The following MCPH1 variants were observed in gnomAD, a reference collection of about 807,000 sequenced individuals.
The protein encoded by MCPH1 is microcephalin 1.
In MCPH1, 104 loss-of-function variants were observed where a neutral mutation model predicts 84.5. The observed-to-expected ratio is 1.23, with a 90% CI of 1.05 to 1.45. The LOEUF (loss-of-function observed/expected upper bound fraction) is 1.45. MCPH1 is among the 40% of genes most tolerant of loss of function. MCPH1 has a pLI of 0.00. For missense variants in MCPH1, 1,498 were observed against 1,005.7 expected (o/e 1.49, Z -6.62); for synonymous variants, 514 against 366.8 (o/e 1.40, Z -4.58).
intron 2 of MCPH1, 24 bp downstream of exon 2, chr8:6,409,394 A>T: frequency 2.0e-6 from 3 of 1,536,696 alleles, no homozygotes; most frequent in Non-Finnish European, 2.7e-6. Context: ...TTTGCTGTTG[A>T]TTCATATGAC....
At chr8:6,429,580 C>T (rs1202975817) in intron 3 of MCPH1, among the ~76,000 whole-genome samples, 1 of 151,700 alleles carries the variant, frequency 6.6e-6, no homozygotes, top group East Asian at 1.9e-4. Flanking sequence ...CTTATCTACT[C>T]TTTATTTTTG....
intron 12 of MCPH1, among the ~76,000 whole-genome samples, chr8:6,603,619 A>G (rs1458448723): frequency 6.6e-6 from 1 of 152,210 alleles, no homozygotes; most frequent in Admixed American, 6.5e-5. Flanking sequence ...TGGGATGGGA[A>G]TCTGGGGATG....
chr8:6,411,220 C>T (rs966652787), intron 2 of MCPH1, among the ~76,000 whole-genome samples: 9 of 152,130 alleles, frequency 5.9e-5, no homozygotes, highest in East Asian at 1.9e-4. Context: ...TTGAACTGTA[C>T]GGGTGCTGCC....
At chr8:6,562,771 G>C in intron 12 of MCPH1, 1 of 1,613,940 alleles carries the variant, frequency 6.2e-7, no homozygotes. Context: ...GCTGGAGGAA[G>C]AGCGGCAGTT....
intron 12 of MCPH1, among the ~76,000 whole-genome samples, chr8:6,569,728 G>T (rs1257232585): frequency 6.6e-6 from 1 of 152,154 alleles, no homozygotes; most frequent in Non-Finnish European, 1.5e-5. Flanking sequence ...CAATAATTTT[G>T]CCCCTCTTTA....
chr8:6,450,619 C>G (rs931508584), intron 8 of MCPH1, among the ~76,000 whole-genome samples: 3 of 151,620 alleles, frequency 2.0e-5, no homozygotes, highest in East Asian at 1.9e-4. Context: ...GAAACTGTTT[C>G]TCACATCCAT....
At chr8:6,582,870 G>T (rs1239799354) in intron 12 of MCPH1, among the ~76,000 whole-genome samples, 1 of 152,156 alleles carries the variant, frequency 6.6e-6, no homozygotes, top group Non-Finnish European at 1.5e-5. Flanking sequence ...CCCCACAAGT[G>T]TCGCAGCTTT....
Position 6,415,341 on chromosome 8 carries a change from G to A in MCPH1, c.233+458G>A, listed in dbSNP as rs1174856504. Among the ~76,000 whole-genome samples, 5 of 147,952 alleles carry A rather than the reference G, an allele frequency of 3.4e-5. No homozygotes were observed. In the South Asian group the frequency reaches 8.6e-4, roughly 25 times the overall value. Reference sequence around the variant, plus strand: ...CTTGCTCTGTCATCCAAGCTAGAGTGCAGTAGCTGGATCTTGGGTCACTGC... The same window carrying A: ...CTTGCTCTGTCATCCAAGCTAGAGTACAGTAGCTGGATCTTGGGTCACTGC... On this transcript the variant is annotated intron_variant, in intron 3 of 13. Transcript: ENST00000344683.
chr8:6,555,986 A>G (rs79773880), intron 12 of MCPH1, among the ~76,000 whole-genome samples: 2 of 152,216 alleles, frequency 1.3e-5, no homozygotes, highest in East Asian at 3.9e-4. Flanking sequence ...GCTCTCAGCA[A>G]TCGGAATCTG....
At chr8:6,556,923 G>A (rs1310881850) in intron 12 of MCPH1, among the ~76,000 whole-genome samples, 3 of 152,112 alleles carry the variant, frequency 2.0e-5, no homozygotes, top group African/African-American at 4.8e-5. Context: ...CTTCTTCTAG[G>A]CACCTAGAAC....
chr8:6,439,436 G>A (rs1803172881), intron 6 of MCPH1, among the ~76,000 whole-genome samples: 1 of 149,758 alleles, frequency 6.7e-6, no homozygotes, highest in Admixed American at 6.6e-5. Flanking sequence ...TGTCACCCAG[G>A]CTGGAGTGCA....
intron 2 of MCPH1, among the ~76,000 whole-genome samples, chr8:6,410,551 C>G (rs1378106828): frequency 6.6e-6 from 1 of 152,132 alleles, no homozygotes; most frequent in East Asian, 1.9e-4. Flanking sequence ...TGCTTGTGTT[C>G]AGGTAGCCTC....
At chr8:6,539,937 C>G (rs4991606) in intron 12 of MCPH1, among the ~76,000 whole-genome samples, 86,768 of 151,906 alleles carry the variant, frequency 0.57, 26,437 homozygotes, top group Non-Finnish European at 0.68. Flanking sequence ...ATAACCAACC[C>G]CTTTCCTACT....
intron 1 of MCPH1, among the ~76,000 whole-genome samples, 196 bp from the exon 2 acceptor site, chr8:6,409,083 C>T (rs1798170225): frequency 1.3e-5 from 2 of 152,074 alleles, no homozygotes; most frequent in Admixed American, 1.3e-4. Flanking sequence ...GATGGTTTTT[C>T]ACCATGTTGG....
intron 12 of MCPH1, chr8:6,519,751 C>G: frequency 7.3e-7 from 1 of 1,365,006 alleles, no homozygotes; most frequent in Non-Finnish European, 1.0e-6. Context: ...TGGCTTTGTA[C>G]TGTGTGAGGC....
chr8:6,634,591 T>A (rs1797405950), intron 13 of MCPH1, among the ~76,000 whole-genome samples: 1 of 152,218 alleles, frequency 6.6e-6, no homozygotes, highest in Admixed American at 6.5e-5. Flanking sequence ...AGTAAATTTC[T>A]TACCAGTCCA....
At chr8:6,455,432 A>G (rs557517017) in intron 9 of MCPH1, among the ~76,000 whole-genome samples, 180 bp downstream of exon 9, 24 of 152,242 alleles carry the variant, frequency 1.6e-4, no homozygotes, top group Non-Finnish European at 3.4e-4. Context: ...CATTCCAGAC[A>G]AAGAGTTATT....
chr8:6,502,817 G>T (rs1812449982), intron 12 of MCPH1: 1 of 410,442 alleles, frequency 2.4e-6, no homozygotes, highest in Admixed American at 4.0e-5. Flanking sequence ...TGACAGCAGC[G>T]TCTGTAAACT....
At chr8:6,480,963 C>G (rs1162787660) in intron 11 of MCPH1, 87 bp downstream of exon 11, 2 of 1,439,034 alleles carry the variant, frequency 1.4e-6, no homozygotes, top group African/African-American at 1.4e-5. Context: ...AGCACTCAGG[C>G]CGGCGTGCAC....
Sources: gnomAD v4.1 joint callset for allele counts (sites outside exome capture counted in the v4.1 genomes callset) on GRCh38, gnomAD v4.1.1 for gene constraint, MANE v1.5 for transcripts, NCBI Gene and HGNC (gene_info 2026-07-23, HGNC 2026-07-21) for gene names.